The following NRXN1 variants were observed in gnomAD, a reference collection of about 807,000 sequenced individuals.
The protein encoded by NRXN1 is neurexin-1.
Under a neutral mutation model 150.9 loss-of-function variants are expected in NRXN1, and 39 were observed. The ratio of observed to expected loss-of-function variants is 0.26; its 90% CI spans 0.20 to 0.34. The LOEUF is 0.34. Among genes scored for constraint, NRXN1 ranks in the 10% least tolerant of loss-of-function variants. NRXN1 has a pLI of 1.00. For synonymous variants in NRXN1, 924 were observed against 757.0 expected (o/e 1.22, Z -3.62); for missense variants, 1,815 against 1,949.9 (o/e 0.93, Z 1.30).
intron 17 of NRXN1, among the ~76,000 whole-genome samples, chr2:50,304,021 T>C (rs1031177918): frequency 1.3e-5 from 2 of 152,274 alleles, no homozygotes; most frequent in Middle Eastern, 3.4e-3. Flanking sequence ...AATGGTAATG[T>C]AAACATTCAT....
intron 21 of NRXN1, among the ~76,000 whole-genome samples, chr2:49,976,938 A>G (rs1558621315): frequency 6.6e-6 from 1 of 152,162 alleles, no homozygotes; most frequent in Non-Finnish European, 1.5e-5. Context: ...GCCAAGCTAA[A>G]CTTGAATTTC....
intron 5 of NRXN1, among the ~76,000 whole-genome samples, chr2:50,805,124 ATG>A (rs769305710): frequency 6.6e-6 from 1 of 152,140 alleles, no homozygotes; most frequent in Non-Finnish European, 1.5e-5. Context: ...TTGGTAATAT[ATG>A]TGTTAGCTGT....
At position 50,352,782 on chromosome 2, in the gene NRXN1, A is replaced by AAT. The variant is rs1332304705; in HGVS notation, c.3364+112658_3364+112659dup. Among the ~76,000 whole-genome samples the AAT allele has an allele frequency of 5.5e-5, 8 of 144,192 alleles. 1 individual carries two copies. Among genetic ancestry groups the AAT allele is most frequent in the African/African-American group, 2.0e-4 (8 of 39,390 alleles). The allele number at this position is 144,192 out of a possible 152,430, so 94.6% of individuals were successfully genotyped here. ...ATAATAATAATAATAATAATATTAT[A>AAT]ATAATAATAATAATAATAATAATAA... is the stretch of plus-strand genomic sequence containing the variant. On this transcript the variant is annotated intron_variant, in intron 17 of 22. Transcript: ENST00000401669.
chr2:50,787,880 T>C (rs1052033051), intron 5 of NRXN1, among the ~76,000 whole-genome samples: 3 of 151,884 alleles, frequency 2.0e-5, no homozygotes, highest in Non-Finnish European at 4.4e-5. Flanking sequence ...AATTCTTCCA[T>C]CTAAAAATGG....
chr2:50,282,321 T>C (rs1055416659), intron 17 of NRXN1, among the ~76,000 whole-genome samples: 5 of 152,156 alleles, frequency 3.3e-5, no homozygotes, highest in Non-Finnish European at 5.9e-5. Flanking sequence ...CAGTCAGCAA[T>C]GTAGAGTATT....
intron 5 of NRXN1, among the ~76,000 whole-genome samples, chr2:50,711,076 A>T (rs1212900964): frequency 6.6e-6 from 1 of 152,176 alleles, no homozygotes; most frequent in Non-Finnish European, 1.5e-5. Flanking sequence ...CTTACTGGTC[A>T]AGTCAGCTTA....
At chr2:50,095,835 G>A (rs956639495) in intron 18 of NRXN1, among the ~76,000 whole-genome samples, 10 of 150,026 alleles carry the variant, frequency 6.7e-5, no homozygotes, top group African/African-American at 2.2e-4. Flanking sequence ...TGTGCACAAC[G>A]TGCAGGTTTG....
At chr2:50,834,786 T>A (rs1671881370) in intron 5 of NRXN1, among the ~76,000 whole-genome samples, 1 of 152,138 alleles carries the variant, frequency 6.6e-6, no homozygotes. Flanking sequence ...AGGTCTGAGT[T>A]GGGGCTCAGG....
At chr2:50,760,024 T>C (rs1334191423) in intron 5 of NRXN1, among the ~76,000 whole-genome samples, 3 of 151,878 alleles carry the variant, frequency 2.0e-5, no homozygotes, top group Non-Finnish European at 4.4e-5. Flanking sequence ...AAGCAGATCA[T>C]AGACTCAGTT....
At chr2:50,769,698 C>G (rs2105440534) in intron 5 of NRXN1, among the ~76,000 whole-genome samples, 1 of 152,118 alleles carries the variant, frequency 6.6e-6, no homozygotes, top group African/African-American at 2.4e-5. Flanking sequence ...TTTGCCAAGC[C>G]TCATTATGAT....
intron 5 of NRXN1, among the ~76,000 whole-genome samples, chr2:50,645,367 G>T (rs1684673623): frequency 6.6e-6 from 1 of 151,858 alleles, no homozygotes; most frequent in Admixed American, 6.6e-5. Flanking sequence ...ATACAAGAAT[G>T]TATATAAATA....
intron 8 of NRXN1, among the ~76,000 whole-genome samples, chr2:50,611,186 T>C (rs1678060484): frequency 6.6e-6 from 1 of 152,112 alleles, no homozygotes; most frequent in South Asian, 2.1e-4. Flanking sequence ...ACATTGTTCA[T>C]TGCTGCTTTC....
At chr2:50,242,169 T>A (rs1199599800) in intron 17 of NRXN1, among the ~76,000 whole-genome samples, 1 of 151,720 alleles carries the variant, frequency 6.6e-6, no homozygotes, top group African/African-American at 2.4e-5. Flanking sequence ...GGTACCCAGA[T>A]GAATATTAAA....
intron 17 of NRXN1, among the ~76,000 whole-genome samples, chr2:50,281,316 C>CACAAAAAAACAAAACAAAAAAAAAAA (rs1187135501): frequency 9.6e-5 from 12 of 124,708 alleles, no homozygotes; most frequent in Admixed American, 3.4e-4. Flanking sequence ...GACTCCGTCT[C>CACAAAAAAACAAAACAAAAAAAAAAA]AAAAACAATA....
At chr2:51,020,747 C>T (rs1237184139) in intron 2 of NRXN1, among the ~76,000 whole-genome samples, 1 of 151,894 alleles carries the variant, frequency 6.6e-6, no homozygotes, top group Non-Finnish European at 1.5e-5. Flanking sequence ...TTACTTTTAA[C>T]ATATATTAAG....
chr2:50,181,225 C>A (rs1239666757), intron 18 of NRXN1, among the ~76,000 whole-genome samples: 11 of 147,740 alleles, frequency 7.4e-5, no homozygotes, highest in Non-Finnish European at 1.3e-4. Flanking sequence ...AAACATGAAA[C>A]AATTTAATGG....
In NRXN1 at chr2:50,839,293, T is replaced by A. The variant is rs547743958; in HGVS notation, c.832+82576A>T. ...CTTCATTTTTATCTCATGATCCCTTTACTATTACATGCAAGAGGATGTGAA... is the reference window on the plus strand; with the variant it reads ...CTTCATTTTTATCTCATGATCCCTTAACTATTACATGCAAGAGGATGTGAA... On this transcript the variant is annotated intron_variant, in intron 5 of 22. Transcript: ENST00000401669. Among the ~76,000 whole-genome samples the A allele has an allele frequency of 4.6e-5, 7 of 152,284 alleles. No individual in the cohort carries two copies. In the East Asian group the frequency reaches 1.4e-3, roughly 29 times the overall value.
intron 17 of NRXN1, among the ~76,000 whole-genome samples, chr2:50,269,856 C>T (rs2152921873): frequency 6.6e-6 from 1 of 152,274 alleles, no homozygotes; most frequent in Non-Finnish European, 1.5e-5. Context: ...TGGGAAAAGA[C>T]TCGTTCCTTA....
At chr2:50,453,250 G>C (rs919173359) in intron 17 of NRXN1, among the ~76,000 whole-genome samples, 9 of 152,072 alleles carry the variant, frequency 5.9e-5, no homozygotes, top group Non-Finnish European at 1.2e-4. Context: ...ATAGATTTCA[G>C]AGCACTACCT....
Sources: gnomAD v4.1 joint callset for allele counts (sites outside exome capture counted in the v4.1 genomes callset) on GRCh38, gnomAD v4.1.1 for gene constraint, MANE v1.5 for transcripts, NCBI Gene and HGNC (gene_info 2026-07-23, HGNC 2026-07-21) for gene names.